The following DMKN variants were observed in gnomAD, a reference collection of about 807,000 sequenced individuals.
DMKN encodes the protein epidermis-specific secreted protein SK30/SK89.
In DMKN, 58 loss-of-function variants were observed where a neutral mutation model predicts 67.6. That is an observed-to-expected ratio of 0.86 (90% CI 0.69 to 1.07). The LOEUF (loss-of-function observed/expected upper bound fraction) is 1.07, where lower values mean the gene tolerates loss of function less well. Ranked by LOEUF, DMKN falls within the 50% of genes least tolerant of loss-of-function variation. DMKN has a pLI of 0.00. For missense variants in DMKN, 596 were observed against 601.5 expected, an observed-to-expected ratio of 0.99 and a Z score of 0.10; for synonymous variants, 240 against 232.3, an observed-to-expected ratio of 1.03 and a Z score of -0.30.
chr19:35,499,862 C>T (rs574321096), intron 13 of DMKN, 96 bp downstream of exon 13: 17 of 1,388,170 alleles, frequency 1.2e-5, no homozygotes, highest in African/African-American at 7.2e-5. Context: ...ATCCGGCCTC[C>T]GGCAACCAAC....
At chr19:35,511,020 G>GC (rs912163339) in intron 5 of DMKN, among the ~76,000 whole-genome samples, 10 of 152,092 alleles carry the variant, frequency 6.6e-5, no homozygotes, top group African/African-American at 2.4e-4. Context: ...TCACAGTCCT[G>GC]CCCCCATTCT....
rs779735752 is a variant in DMKN at position 35,500,473 on chromosome 19, C to T, written c.1287+60G>A. On this transcript the variant is annotated intron_variant, in intron 12 of 15. Transcript: ENST00000339686. ...AAGAGAATTTCAGATTGCCCAGACC[C>T]GGGAGCAAGGCCAAGGGGGACCAAG... 4.2e-5 allele frequency: 67 copies of T among 1,581,492 alleles called. 1 individual carries two copies. Among genetic ancestry groups the T allele is most frequent in the Admixed American group, 3.9e-4 (21 of 54,542 alleles).
At chr19:35,508,401 A>G in intron 7 of DMKN, 1 of 722,118 alleles carries the variant, frequency 1.4e-6, no homozygotes. Flanking sequence ...ATGAAAGTTT[A>G]AGAATAGGTA....
At chr19:35,499,882 C>A (rs1005131061) in intron 13 of DMKN, 76 bp downstream of exon 13, 61 of 1,534,246 alleles carry the variant, frequency 4.0e-5, no homozygotes, top group Non-Finnish European at 5.4e-5. Flanking sequence ...CCGAGAGGAC[C>A]CCGGCAGTGA....
rs746766738 is a variant in DMKN, at chr19:35,513,580, C to T, written c.-105G>A. ...GTGCCCTCCTCTGTCCTCCTCCTTC[C>T]GACTCCCTGTCCTCCCTCCCTCTGG... is the stretch of plus-strand genomic sequence containing the variant. On this transcript the variant is annotated 5_prime_UTR_variant, in exon 1 of 16. Transcript: ENST00000339686. 1.1e-4 allele frequency: 155 copies of T among 1,393,294 alleles called. No individual in the cohort carries two copies. The highest frequency in any genetic ancestry group is 2.0e-4 in the African/African-American group (14 of 68,980). 86.3% of individuals were successfully genotyped at this position (1,393,294 alleles called of 1,614,324 possible).
At chr19:35,510,510 G>A in intron 5 of DMKN, 1 of 1,547,654 alleles carries the variant, frequency 6.5e-7, no homozygotes, top group Non-Finnish European at 8.7e-7. Context: ...GCAGGCCGGG[G>A]GTGGGAACCC....
At chr19:35,501,009 T>C (rs1455415328) in intron 11 of DMKN, among the ~76,000 whole-genome samples, 1 of 152,198 alleles carries the variant, frequency 6.6e-6, no homozygotes, top group Non-Finnish European at 1.5e-5. Flanking sequence ...GGGGTTGTTA[T>C]CTGCAGAAGC....
At chr19:35,503,467 TTTTTTTG>T in intron 9 of DMKN, 1 of 1,489,796 alleles carries the variant, frequency 6.7e-7, no homozygotes, top group Non-Finnish European at 8.9e-7. Flanking sequence ...GAAACAGGTT[TTTTTTTG>T]TTTTTTTTTT....
rs916753911 is a variant in DMKN, at chr19:35,508,109, G to A, written c.1038+1802C>T. On this transcript the variant is annotated intron_variant, in intron 7 of 15. Transcript: ENST00000339686. ...TCTCAGGTAGACCTGGCAGGGATGT[G>A]GGACCACCTGTCTGCCAGTATTGCT... is the stretch of plus-strand genomic sequence containing the variant. 7.4e-6 allele frequency: 11 copies of A among 1,484,338 alleles called. No homozygotes were observed. In the African/African-American group the frequency reaches 1.5e-4, roughly 21 times the overall value. The allele number at this position is 1,484,338 out of a possible 1,614,324, so 91.9% of individuals were successfully genotyped here.
intron 10 of DMKN, 72 bp downstream of exon 10, chr19:35,502,758 G>A (rs1280618339): frequency 6.5e-7 from 1 of 1,529,472 alleles, no homozygotes; most frequent in Non-Finnish European, 9.1e-7. Flanking sequence ...GAGGGTGGCT[G>A]CCTTGAGGGA....
Position 35,511,522 on chromosome 19 carries a change from ACT to A in DMKN, c.805_806del (p.Ser269TrpfsTer30). 6.6e-7 allele frequency: 1 copy of A among 1,512,312 alleles called. No homozygotes were observed. Among genetic ancestry groups the A allele is most frequent in the Non-Finnish European group, 8.8e-7 (1 of 1,131,200 alleles). The allele number at this position is 1,512,312 out of a possible 1,614,324, so 93.7% of individuals were successfully genotyped here. ...TGCTGCTGCCACTGCTGCTGCCACC[ACT>A]GCTGCTGCCATTGTTGTTGTCACCA... ...SNGDNNNGSS[S>X]GGSSSGSSSG... On this transcript the variant is annotated frameshift_variant, in exon 5 of 16. Transcript: ENST00000339686. LOFTEE classifies it high-confidence loss of function.
At chr19:35,504,854 T>G in intron 9 of DMKN, among the ~76,000 whole-genome samples, 1 of 139,310 alleles carries the variant, frequency 7.2e-6, no homozygotes, top group South Asian at 2.5e-4. Flanking sequence ...CCCCCACCCA[T>G]TCCCAACACC....
At chr19:35,499,822 G>A in intron 13 of DMKN, 136 bp downstream of exon 13, 2 of 855,268 alleles carry the variant, frequency 2.3e-6, no homozygotes, top group African/African-American at 1.7e-5. Context: ...TTGCAAAGGG[G>A]TGGGGAGGCC....
chr19:35,508,001 G>A, intron 7 of DMKN: 1 of 610,180 alleles, frequency 1.6e-6, no homozygotes, highest in South Asian at 2.2e-5. Context: ...CCCCTCTTAA[G>A]GGAGAGGTGG....
In DMKN at chr19:35,509,978, G is replaced by A. The variant is rs200701507; in HGVS notation, c.988-17C>T. ...CTTTTCACACTGCCGGGGAGAGAAA[G>A]GGGAGACTTTCCCTCAGTCCCCTCC... On this transcript the variant is annotated splice_polypyrimidine_tract_variant and intron_variant, in intron 6 of 15. Transcript: ENST00000339686. 3.1e-6 allele frequency: 5 copies of A among 1,614,064 alleles called. No homozygotes were observed. Among genetic ancestry groups the A allele is most frequent in the Non-Finnish European group, 4.2e-6 (5 of 1,179,940 alleles).
intron 10 of DMKN, 86 bp from the exon 11 acceptor site, chr19:35,502,269 C>T (rs901346544): frequency 2.9e-6 from 4 of 1,391,366 alleles, no homozygotes; most frequent in South Asian, 2.3e-5. Flanking sequence ...TTCCAGATCT[C>T]GGGTAGGAAG....
chr19:35,498,346 G>A (rs901828188), intron 15 of DMKN: 1 of 219,028 alleles, frequency 4.6e-6, no homozygotes, highest in Admixed American at 5.4e-5. Flanking sequence ...TGTTTCCCAG[G>A]CTGGAATGGT....
At chr19:35,506,183 C>T in intron 7 of DMKN, 197 bp from the exon 8 acceptor site, 4 of 1,518,314 alleles carry the variant, frequency 2.6e-6, no homozygotes, top group Non-Finnish European at 2.6e-6. Context: ...TCGACCCTTG[C>T]CCCTGGGTGG....
At chr19:35,502,485 G>A (rs1357238250) in intron 10 of DMKN, among the ~76,000 whole-genome samples, 1 of 151,940 alleles carries the variant, frequency 6.6e-6, no homozygotes, top group Non-Finnish European at 1.5e-5. Context: ...GGATCACGAG[G>A]TCAGGAGATT....
Sources: allele counts gnomAD v4.1 joint callset (sites outside exome capture counted in the v4.1 genomes callset), GRCh38; gene constraint gnomAD v4.1.1; transcripts MANE v1.5; gene names NCBI Gene and HGNC (gene_info 2026-07-23, HGNC 2026-07-21).